Variants in GRIP1 observed in about 807,000 individuals in gnomAD.
GRIP1 encodes the protein glutamate receptor-interacting protein 1.
In GRIP1, 45 loss-of-function variants were observed where a neutral mutation model predicts 129.9. The observed-to-expected ratio is 0.35, with a 90% confidence interval of 0.27 to 0.44. The LOEUF (loss-of-function observed/expected upper bound fraction) is 0.44, where lower values mean the gene tolerates loss of function less well. Ranked by LOEUF, GRIP1 falls within the 20% of genes least tolerant of loss-of-function variation. The probability of loss-of-function intolerance (pLI) is 1.00; values close to 1 mark genes in which losing one functional copy is unlikely to be tolerated. For synonymous variants in GRIP1, 530 were observed against 520.8 expected, an observed-to-expected ratio of 1.02 and a Z score of -0.24; for missense variants, 1,196 against 1,396.8, an observed-to-expected ratio of 0.86 and a Z score of 2.29.
At chr12:67,009,807 C>T (rs1202849750) in intron 1 of GRIP1, among the ~76,000 whole-genome samples, 1 of 152,136 alleles carries the variant, frequency 6.6e-6, no homozygotes, top group Non-Finnish European at 1.5e-5. Context: ...AATAGCTACC[C>T]TCTTTAAGAT....
At position 66,505,667 on chromosome 12, in the gene GRIP1, T is replaced by G. The variant is rs535349884; in HGVS notation, c.724+9952A>C. Among the ~76,000 whole-genome samples the G allele has an allele frequency of 5.3e-5, 8 of 152,324 alleles. No individual in the cohort carries two copies. The South Asian group carries it at 1.7e-3, about 32-fold the overall frequency. On this transcript the variant is annotated intron_variant, in intron 7 of 24. Transcript: ENST00000359742. The stretch of plus-strand genomic sequence containing the variant: ...ATTAGAGAATAATTTTATATATTCT[T>G]CCAAGCTTCTGTGTTTAATTCTTTA...
intron 1 of GRIP1, among the ~76,000 whole-genome samples, chr12:66,753,021 G>A (rs2037175168): frequency 6.6e-6 from 1 of 152,050 alleles, no homozygotes; most frequent in East Asian, 1.9e-4. Context: ...CTATAATCCA[G>A]CCCTGAACTA....
chr12:66,628,170 G>A (rs1316081523), intron 1 of GRIP1, among the ~76,000 whole-genome samples: 2 of 152,176 alleles, frequency 1.3e-5, no homozygotes, highest in Non-Finnish European at 1.5e-5. Flanking sequence ...TCTCTTCAGA[G>A]CAGGCTTTCT....
At chr12:67,015,194 G>A (rs899699889) in intron 1 of GRIP1, among the ~76,000 whole-genome samples, 12 of 152,086 alleles carry the variant, frequency 7.9e-5, no homozygotes, top group African/African-American at 2.9e-4. Context: ...CAAGAAATGT[G>A]TACACTGATA....
At chr12:66,855,710 C>A (rs964061684) in intron 1 of GRIP1, among the ~76,000 whole-genome samples, 5 of 151,928 alleles carry the variant, frequency 3.3e-5, no homozygotes, top group African/African-American at 1.2e-4. Context: ...ATGCTAATAA[C>A]TAAATATAAA....
chr12:66,864,611 G>C (rs2040170404), intron 1 of GRIP1, among the ~76,000 whole-genome samples: 1 of 151,898 alleles, frequency 6.6e-6, no homozygotes, highest in South Asian at 2.1e-4. Flanking sequence ...CCAGACACTT[G>C]GGAGGCTGAG....
At chr12:66,602,977 G>C (rs370657410) in intron 1 of GRIP1, among the ~76,000 whole-genome samples, 2 of 145,414 alleles carry the variant, frequency 1.4e-5, no homozygotes, top group African/African-American at 5.0e-5. Context: ...TCCCACCTCA[G>C]CCTCTGAGCA....
At chr12:66,951,068 A>G (rs2041749146) in intron 1 of GRIP1, among the ~76,000 whole-genome samples, 1 of 152,232 alleles carries the variant, frequency 6.6e-6, no homozygotes. Context: ...ACAATGAACA[A>G]AAAGTCATGT....
rs1205790897 is a variant in GRIP1, at chr12:66,525,953, A to G, written c.502+3878T>C. 3.3e-5 allele frequency among the ~76,000 whole-genome samples: 5 copies of G among 152,234 alleles called. No homozygotes were observed. In the East Asian group the frequency reaches 7.7e-4, roughly 23 times the overall value. On this transcript the variant is annotated intron_variant, in intron 5 of 24. Coordinates refer to ENST00000359742, the MANE Select transcript of GRIP1 (RefSeq NM_001366722.1). ...ACAATTGCTTCAAAGAGAATAAAAT[A>G]CCTAGGAATCCAACTTACAAGGGTT...
At chr12:66,957,549 T>C (rs1195269443) in intron 1 of GRIP1, among the ~76,000 whole-genome samples, 2 of 152,156 alleles carry the variant, frequency 1.3e-5, no homozygotes, top group African/African-American at 4.8e-5. Context: ...TTGTTCTTGA[T>C]GACTTGATGA....
At chr12:66,858,766 T>C (rs1401448404) in intron 1 of GRIP1, among the ~76,000 whole-genome samples, 1 of 151,758 alleles carries the variant, frequency 6.6e-6, no homozygotes, top group Non-Finnish European at 1.5e-5. Context: ...TTAAGAAATA[T>C]TAAGAATTAA....
chr12:66,588,929 A>G (rs1228639319), intron 2 of GRIP1, among the ~76,000 whole-genome samples: 2 of 151,584 alleles, frequency 1.3e-5, no homozygotes, highest in African/African-American at 2.4e-5. Context: ...AGATTGCAAC[A>G]TTGCACTCCA....
intron 1 of GRIP1, among the ~76,000 whole-genome samples, chr12:66,959,329 A>G (rs965810603): frequency 1.3e-5 from 2 of 152,044 alleles, no homozygotes; most frequent in Non-Finnish European, 2.9e-5. Flanking sequence ...ACATTTTGCA[A>G]TTTTGCACAT....
intron 1 of GRIP1, among the ~76,000 whole-genome samples, chr12:66,646,337 G>C (rs2032362339): frequency 6.6e-6 from 1 of 152,134 alleles, no homozygotes; most frequent in Admixed American, 6.5e-5. Flanking sequence ...ATATATTTGG[G>C]GGAAGGGCGA....
intron 1 of GRIP1, among the ~76,000 whole-genome samples, chr12:66,758,581 A>G (rs1163678884): frequency 6.6e-6 from 1 of 152,168 alleles, no homozygotes; most frequent in Non-Finnish European, 1.5e-5. Context: ...CCAAAAGTCC[A>G]TAGTCCAAAA....
chr12:66,633,935 G>C (rs2031097974), intron 1 of GRIP1, among the ~76,000 whole-genome samples: 1 of 152,172 alleles, frequency 6.6e-6, no homozygotes, highest in Non-Finnish European at 1.5e-5. Context: ...CAGAGTCCAG[G>C]ATAACCCTCA....
intron 1 of GRIP1, among the ~76,000 whole-genome samples, chr12:66,797,851 GCA>G (rs1451923754): frequency 1.3e-5 from 2 of 152,080 alleles, no homozygotes; most frequent in African/African-American, 4.8e-5. Flanking sequence ...TTCTCCATGA[GCA>G]CAGTGCACTG....
intron 1 of GRIP1, among the ~76,000 whole-genome samples, chr12:66,649,027 CAG>C (rs1042567767): frequency 2.0e-5 from 3 of 152,066 alleles, no homozygotes; most frequent in African/African-American, 7.2e-5. Flanking sequence ...TATAGGCTCA[CAG>C]GGGGTTAAGC....
chr12:66,514,463 G>C (rs2060788139), intron 7 of GRIP1, among the ~76,000 whole-genome samples: 2 of 151,988 alleles, frequency 1.3e-5, no homozygotes, highest in Admixed American at 1.3e-4. Flanking sequence ...AATTAGTAGA[G>C]TTGAAAACAG....
Sources: allele counts gnomAD v4.1 joint callset (sites outside exome capture counted in the v4.1 genomes callset), GRCh38; gene constraint gnomAD v4.1.1; transcripts MANE v1.5; gene names NCBI Gene and HGNC (gene_info 2026-07-23, HGNC 2026-07-21).